MUC4: variants seen among roughly 807,000 people sequenced by gnomAD.
MUC4 encodes the protein mucin-4.
A neutral mutation model predicts 257.9 loss-of-function variants in MUC4; 202 were observed. That is an observed-to-expected ratio of 0.78 (90% confidence interval 0.70 to 0.88). The LOEUF (loss-of-function observed/expected upper bound fraction) is 0.88, where lower values mean the gene tolerates loss of function less well. Among genes scored for constraint, MUC4 ranks in the 40% least tolerant of loss-of-function variants. The pLI is 0.00. For synonymous variants in MUC4, 2,351 were observed against 2,757.1 expected, an observed-to-expected ratio of 0.85 and a Z score of 4.62; for missense variants, 5,976 against 6,513.7, an observed-to-expected ratio of 0.92 and a Z score of 2.84.
At position 195,779,457 on chromosome 3, in the gene MUC4, T is replaced by C; in HGVS notation, c.12123A>G (p.Ala4041=). Reference sequence around the variant, plus strand: ...GAAGAGGGGTGGTGTCACCTGTGGATGCTGAGGAAGTGCTGGTGACAGGAA... The same window carrying C: ...GAAGAGGGGTGGTGTCACCTGTGGACGCTGAGGAAGTGCTGGTGACAGGAA... ...TPVPVTSTSS[A]STGDTTPLPV... Residue 4041 remains alanine (A), a synonymous_variant, in exon 2 of 25, where the codon GCA becomes GCG. Coordinates refer to ENST00000463781, the MANE Select transcript of MUC4 (RefSeq NM_018406.7). 8.2e-7 allele frequency: 1 copy of C among 1,225,206 alleles called. No homozygotes were observed. The highest frequency in any genetic ancestry group is 1.1e-6 in the Non-Finnish European group (1 of 916,112). The allele number at this position is 1,225,206 out of a possible 1,614,324, so 75.9% of individuals were successfully genotyped here.
rs1732943033 is a variant in MUC4, at chr3:195,787,951, G to C, written c.3629C>G (p.Ser1210Cys). Reference protein sequence around the residue: ...PLLVTDTSSASTGHATPLPVT... With the variant: ...PLLVTDTSSACTGHATPLPVT... ...AGGAAGAGGGGTGGCGTGTCCTGTG[G>C]ATGCTGAGGAAGTGTCGGTGACAAG... is the stretch of plus-strand genomic sequence containing the variant. The change falls in exon 2 of 25, where the codon TCC (serine) becomes TGC (cysteine). Residue 1210 changes from serine to cysteine, a missense_variant. Around this residue, in one of 44 missense-constraint regions of MUC4, gnomAD observed 90 missense variants for 106.2 expected, o/e 0.85. Coordinates refer to ENST00000463781, the MANE Select transcript of MUC4 (RefSeq NM_018406.7). The C allele has an allele frequency of 8.5e-7, 1 of 1,181,020 alleles. No homozygotes were observed. Among genetic ancestry groups the C allele is most frequent in the Non-Finnish European group, 1.1e-6 (1 of 877,624 alleles). 73.2% of individuals were successfully genotyped at this position (1,181,020 alleles called of 1,614,324 possible).
At chr3:195,767,891 A>ACCACCACCG (rs1560266294) in intron 7 of MUC4, among the ~76,000 whole-genome samples, 10 of 129,340 alleles carry the variant, frequency 7.7e-5, no homozygotes, top group Non-Finnish European at 1.3e-4. Flanking sequence ...CACCATCACC[A>ACCACCACCG]CCACCATCAC....
intron 7 of MUC4, among the ~76,000 whole-genome samples, chr3:195,768,801 C>T (rs973879033): frequency 3.9e-5 from 6 of 152,186 alleles, no homozygotes; most frequent in African/African-American, 1.4e-4. Context: ...TTACAACTCA[C>T]GGGGACTGGG....
chr3:195,797,677 A>G (rs1734733356), intron 1 of MUC4, among the ~76,000 whole-genome samples: 1 of 152,262 alleles, frequency 6.6e-6, no homozygotes, highest in Non-Finnish European at 1.5e-5. Flanking sequence ...ATGAGAGTAC[A>G]GAAATGTGAT....
intron 3 of MUC4, among the ~76,000 whole-genome samples, chr3:195,775,980 C>T (rs1289972817): frequency 2.7e-3 from 91 of 33,114 alleles, no homozygotes; most frequent in Admixed American, 5.6e-3. Context: ...CCTTCCACAT[C>T]CATACCTTCC....
At chr3:195,751,135 G>C in intron 22 of MUC4, 23 bp from the exon 23 acceptor site, 5 of 1,519,108 alleles carry the variant, frequency 3.3e-6, no homozygotes, top group Non-Finnish European at 4.5e-6. Context: ...GCAACGGTGA[G>C]GGGGGGTGGG....
intron 4 of MUC4, among the ~76,000 whole-genome samples, chr3:195,773,781 G>A (rs146734883): frequency 1.2e-4 from 18 of 152,194 alleles, no homozygotes; most frequent in African/African-American, 4.1e-4. Flanking sequence ...TCGCTCAGTC[G>A]CCCTCTCATG....
intron 14 of MUC4, among the ~76,000 whole-genome samples, chr3:195,761,788 A>G (rs895379666): frequency 6.6e-6 from 1 of 152,100 alleles, no homozygotes; most frequent in Non-Finnish European, 1.5e-5. Context: ...AAACGCGGGC[A>G]GCGGTGGAGG....
At chr3:195,778,553 G>A in intron 2 of MUC4, 98 bp from the exon 3 acceptor site, 1 of 1,494,212 alleles carries the variant, frequency 6.7e-7, no homozygotes. Context: ...GAGGGAGCTG[G>A]AAACTCCTTG....
chr3:195,807,808 A>C (rs2149081837), intron 1 of MUC4, among the ~76,000 whole-genome samples: 1 of 152,376 alleles, frequency 6.6e-6, no homozygotes, highest in East Asian at 1.9e-4. Flanking sequence ...ACAAAAGGCC[A>C]ACCACTTCTT....
intron 7 of MUC4, among the ~76,000 whole-genome samples, chr3:195,767,549 T>TCACCAC (rs1479597903): frequency 1.4e-5 from 1 of 72,546 alleles, no homozygotes; most frequent in Non-Finnish European, 2.6e-5. Flanking sequence ...ATCATCACCA[T>TCACCAC]CACCATTACC....
chr3:195,752,934 C>T, intron 20 of MUC4, 117 bp downstream of exon 20: 1 of 954,764 alleles, frequency 1.0e-6, no homozygotes, highest in East Asian at 2.6e-5. Flanking sequence ...AAATCTGGAG[C>T]TCTGTCCTGT....
rs2148812563 is a variant in MUC4, at chr3:195,763,484, G to A, written c.14202C>T (p.Asn4734=). ...GGTACTGAGCCGCAAAGGCGATGAA[G>A]TTGGTGGCCTGGGCTGAGCCAGTCT... ...TAQTGSAQAT[N]FIAFAAQYRS... The change falls in exon 12 of 25, where the codon AAC becomes AAT. Residue 4734 remains asparagine (N), a synonymous_variant. Coordinates refer to ENST00000463781, the MANE Select transcript of MUC4 (RefSeq NM_018406.7). 6.6e-7 allele frequency: 1 copy of A among 1,514,604 alleles called. No homozygotes were observed. The highest frequency in any genetic ancestry group is 1.4e-5 in the African/African-American group (1 of 72,256). 93.8% of individuals were successfully genotyped at this position (1,514,604 alleles called of 1,614,324 possible). A position where few individuals can be genotyped will look rare whatever the true frequency, so the allele number is the denominator to read the frequency against.
At chr3:195,761,644 A>G in intron 14 of MUC4, 59 bp from the exon 15 acceptor site, 1 of 1,363,224 alleles carries the variant, frequency 7.3e-7, no homozygotes, top group Non-Finnish European at 1.0e-6. Context: ...CTTCCTGGGG[A>G]GCATCCGGCG....
In MUC4 at chr3:195,781,686, A is replaced by C. The variant is rs752063514; in HGVS notation, c.9894T>G (p.Leu3298=). ...TGGATACTGAGGAAGTCTCGGTGAC[A>C]AGAAGAGGGGTGGTGTCACCTGTGG... ...SSSTGDTTPL[L]VTETSSVSTG... Residue 3298 remains leucine (L), a synonymous_variant, in exon 2 of 25, where the codon CTT becomes CTG. Coordinates refer to ENST00000463781, the MANE Select transcript of MUC4 (RefSeq NM_018406.7). 1,349 of 1,349,628 alleles carry C rather than the reference A, an allele frequency of 1.0e-3. 141 individuals carry two copies. The highest frequency in any genetic ancestry group is 1.3e-3 in the Non-Finnish European group (1,286 of 1,000,164). 83.6% of individuals were successfully genotyped at this position (1,349,628 alleles called of 1,614,324 possible).
intron 14 of MUC4, 121 bp downstream of exon 14, chr3:195,761,966 G>C (rs1031933850): frequency 2.2e-5 from 27 of 1,204,756 alleles, no homozygotes; most frequent in Non-Finnish European, 2.9e-5. Flanking sequence ...GTGCCCCAAG[G>C]GTTCTGCTCC....
chr3:195,767,672 T>TTACCATTGC (rs1560263261), intron 7 of MUC4, among the ~76,000 whole-genome samples: 1 of 9,102 alleles, frequency 1.1e-4, no homozygotes. Flanking sequence ...ACCATCACCA[T>TTACCATTGC]CACCACCATC....
intron 13 of MUC4, 146 bp from the exon 14 acceptor site, chr3:195,762,400 GGC>G (rs1243012362): frequency 1.1e-6 from 1 of 911,850 alleles, no homozygotes; most frequent in African/African-American, 1.7e-5. Context: ...AGAAGAGGCC[GGC>G]GAGCTGCACG....
intron 14 of MUC4, 104 bp from the exon 15 acceptor site, chr3:195,761,689 C>A (rs1577997901): frequency 4.6e-6 from 4 of 875,946 alleles, no homozygotes. Flanking sequence ...CTGGCAGCCT[C>A]TGCTCTTGCA....
Sources: allele counts gnomAD v4.1 joint callset (sites outside exome capture counted in the v4.1 genomes callset), GRCh38; gene constraint gnomAD v4.1.1; regional missense constraint gnomAD v4.1.1; transcripts MANE v1.5; gene names NCBI Gene and HGNC (gene_info 2026-07-23, HGNC 2026-07-21).